The following BICC1 variants were observed in gnomAD, a reference collection of about 807,000 sequenced individuals.
BICC1 encodes BicC family RNA binding protein 1.
A neutral mutation model predicts 111.0 loss-of-function variants in BICC1; 43 were observed. The ratio of observed to expected loss-of-function variants is 0.39; its 90% CI spans 0.30 to 0.50. BICC1 has a LOEUF of 0.50. Among genes scored for constraint, BICC1 ranks in the 20% least tolerant of loss-of-function variants. The pLI is 0.88. For synonymous variants in BICC1, 467 were observed against 434.4 expected, an observed-to-expected ratio of 1.07 and a Z score of -0.93; for missense variants, 1,091 against 1,203.2, an observed-to-expected ratio of 0.91 and a Z score of 1.38.
chr10:58,658,024 G>GTT (rs139682846), intron 2 of BICC1, among the ~76,000 whole-genome samples: 9 of 4,936 alleles, frequency 1.8e-3, no homozygotes, highest in Admixed American at 4.1e-3. Context: ...TTCCACTAGT[G>GTT]GTAACTGTGA....
chr10:58,796,396 A>T lies in BICC1; in HGVS notation c.1236A>T (p.Lys412Asn), dbSNP rs771651949. The T allele has an allele frequency of 1.2e-6, 2 of 1,614,074 alleles. No homozygotes were observed. Among genetic ancestry groups the T allele is most frequent in the South Asian group, 2.2e-5 (2 of 91,080 alleles). The change falls in exon 10 of 21, where the codon AAA becomes AAT. Residue 412 changes from lysine (K) to asparagine (N), a missense_variant. Around this residue, in one of 3 missense-constraint regions of BICC1, gnomAD observed 843 missense variants for 900.8 expected, o/e 0.94. Coordinates refer to ENST00000373886, the MANE Select transcript of BICC1 (RefSeq NM_001080512.3). The stretch of plus-strand genomic sequence containing the variant: ...CCTTAAATATGTATGAAGCAAGGAA[A>T]TGTCTCCTCGGACTTGAAAGCAGTG... ...RNALNMYEAR[K>N]CLLGLESSGV...
At chr10:58,678,138 C>T (rs1314622578) in intron 2 of BICC1, among the ~76,000 whole-genome samples, 2 of 151,868 alleles carry the variant, frequency 1.3e-5, no homozygotes, top group South Asian at 2.1e-4. Context: ...CATCAACTAA[C>T]AGGCAAAATA....
At chr10:58,663,426 C>T (rs1838909437) in intron 2 of BICC1, among the ~76,000 whole-genome samples, 1 of 152,138 alleles carries the variant, frequency 6.6e-6, no homozygotes, top group South Asian at 2.1e-4. Flanking sequence ...CACTGGACAA[C>T]CTCTGGTGTG....
At chr10:58,523,597 A>G (rs1274003671) in intron 1 of BICC1, among the ~76,000 whole-genome samples, 2 of 152,242 alleles carry the variant, frequency 1.3e-5, no homozygotes, top group South Asian at 2.1e-4. Flanking sequence ...AGCCAGTATC[A>G]TATTGAATGG....
At chr10:58,637,899 C>T (rs1294585998) in intron 2 of BICC1, among the ~76,000 whole-genome samples, 2 of 151,886 alleles carry the variant, frequency 1.3e-5, no homozygotes, top group Non-Finnish European at 2.9e-5. Flanking sequence ...AGGGGAATCA[C>T]TTAAACAGGA....
At chr10:58,514,569 T>C (rs1360369494) in intron 1 of BICC1, among the ~76,000 whole-genome samples, 1 of 152,220 alleles carries the variant, frequency 6.6e-6, no homozygotes, top group Non-Finnish European at 1.5e-5. Context: ...AGCAAGAGTG[T>C]TTGGCAGACG....
chr10:58,726,111 A>C (rs950218541), intron 3 of BICC1, among the ~76,000 whole-genome samples: 5 of 152,234 alleles, frequency 3.3e-5, no homozygotes, highest in African/African-American at 1.2e-4. Flanking sequence ...CTGCAAATTC[A>C]ATCATCTGAC....
intron 15 of BICC1, among the ~76,000 whole-genome samples, chr10:58,804,558 A>AT (rs1486624002): frequency 6.6e-6 from 1 of 152,168 alleles, no homozygotes; most frequent in Non-Finnish European, 1.5e-5. Flanking sequence ...CATTTATTAC[A>AT]TTTTCTCTGG....
Position 58,521,768 on chromosome 10 carries a change from GTTTTTTTTTT to G in BICC1, c.190+8464_190+8473del, listed in dbSNP as rs573116230. ...ATGAAAATCAGCCAGGGAATGTGGT[GTTTTTTTTTT>G]TTTTTTTTTTTTTTTTTTTTTTTTT... On this transcript the variant is annotated intron_variant, in intron 1 of 20. Coordinates refer to ENST00000373886, the MANE Select transcript of BICC1 (RefSeq NM_001080512.3). Among the ~76,000 whole-genome samples, 93 of 112,800 alleles carry G rather than the reference GTTTTTTTTTT, an allele frequency of 8.2e-4. 3 individuals carry two copies. Among genetic ancestry groups the G allele is most frequent in the African/African-American group, 2.5e-3 (85 of 33,416 alleles). The allele number at this position is 112,800 out of a possible 152,430, so 74.0% of individuals were successfully genotyped here. A position where few individuals can be genotyped will look rare whatever the true frequency, so the allele number is the denominator to read the frequency against.
Position 58,788,515 on chromosome 10 carries a change from C to G in BICC1, c.600+92C>G, listed in dbSNP as rs911147857. ...ATATAATAATTTATCATTTTATAAC[C>G]GAATCATGTTCAATCAGTAGGAAAT... On this transcript the variant is annotated intron_variant, in intron 6 of 20. Coordinates refer to ENST00000373886, the MANE Select transcript of BICC1 (RefSeq NM_001080512.3). 8 of 919,794 alleles carry G rather than the reference C, an allele frequency of 8.7e-6. No homozygotes were observed. The African/African-American group carries it at 1.3e-4, about 15-fold the overall frequency. 57.0% of individuals were successfully genotyped at this position (919,794 alleles called of 1,614,324 possible). A position where few individuals can be genotyped will look rare whatever the true frequency, so the allele number is the denominator to read the frequency against.
At chr10:58,720,163 TAA>T (rs1394703834) in intron 3 of BICC1, among the ~76,000 whole-genome samples, 1 of 152,228 alleles carries the variant, frequency 6.6e-6, no homozygotes, top group Non-Finnish European at 1.5e-5. Flanking sequence ...TTTAGTTTCT[TAA>T]ACCTTTCTTG....
chr10:58,649,804 T>C (rs1838386684), intron 2 of BICC1, among the ~76,000 whole-genome samples: 1 of 152,012 alleles, frequency 6.6e-6, no homozygotes, highest in Non-Finnish European at 1.5e-5. Flanking sequence ...CTACTGTTGT[T>C]CTTTTGCATG....
chr10:58,670,597 CTG>C (rs929367140), intron 2 of BICC1, among the ~76,000 whole-genome samples: 4 of 152,112 alleles, frequency 2.6e-5, no homozygotes, highest in African/African-American at 7.2e-5. Flanking sequence ...ACACTGAAGA[CTG>C]TGACTTGAAC....
chr10:58,760,431 T>A (rs993655780), intron 3 of BICC1, among the ~76,000 whole-genome samples: 4 of 152,310 alleles, frequency 2.6e-5, no homozygotes, highest in Non-Finnish European at 4.4e-5. Context: ...AATATATACA[T>A]CACAACCAAA....
Position 58,634,239 on chromosome 10 carries a change from G to T in BICC1, c.237+13338G>T, listed in dbSNP as rs553524830. Reference sequence around the variant, plus strand: ...AACTCCTGACCTCAGGTGATCCACCGCCTCGGCCTGCCAAAGTGCTGGGAT... The same window carrying T: ...AACTCCTGACCTCAGGTGATCCACCTCCTCGGCCTGCCAAAGTGCTGGGAT... On this transcript the variant is annotated intron_variant, in intron 2 of 20. Coordinates refer to ENST00000373886, the MANE Select transcript of BICC1 (RefSeq NM_001080512.3). Among the ~76,000 whole-genome samples, 231 of 152,076 alleles carry T rather than the reference G, an allele frequency of 1.5e-3. 1 individual carries two copies. The highest frequency in any genetic ancestry group is 5.2e-3 in the African/African-American group (217 of 41,498).
rs74808719 is a variant in BICC1, at chr10:58,645,638, A to G, written c.237+24737A>G. Reference sequence around the variant, plus strand: ...TCGCAGTGTAGTAAACCCTATTACTATTTGAACTCGAAATACAGAATACTT... The same window carrying G: ...TCGCAGTGTAGTAAACCCTATTACTGTTTGAACTCGAAATACAGAATACTT... On this transcript the variant is annotated intron_variant, in intron 2 of 20. Coordinates refer to ENST00000373886, the MANE Select transcript of BICC1 (RefSeq NM_001080512.3). Among the ~76,000 whole-genome samples, 434 of 152,252 alleles carry G rather than the reference A, an allele frequency of 2.9e-3. 8 individuals carry two copies. The highest frequency in any genetic ancestry group is 9.8e-3 in the African/African-American group (406 of 41,536).
Position 58,800,914 on chromosome 10 carries a change from T to G in BICC1, c.1883T>G (p.Val628Gly). 1 of 1,605,578 alleles carries G rather than the reference T, an allele frequency of 6.2e-7. No homozygotes were observed. Among genetic ancestry groups the G allele is most frequent in the Non-Finnish European group, 8.5e-7 (1 of 1,176,494 alleles). ...TEGCNDAFVE[V>G]GMPRSPSHSG... ...GGTTGTAATGATGCTTTTGTTGAAG[T>G]AGGCATGCCTCGAAGTCCTTCCCAT... The change falls in exon 14 of 21, where the codon GTA becomes GGA. Residue 628 changes from valine to glycine, a missense_variant. By Grantham distance (109) the Val-to-Gly change is moderately radical. Around this residue, in one of 3 missense-constraint regions of BICC1, gnomAD observed 843 missense variants for 900.8 expected, o/e 0.94. Coordinates refer to ENST00000373886, the MANE Select transcript of BICC1 (RefSeq NM_001080512.3).
At chr10:58,600,414 G>T (rs1020803889) in intron 1 of BICC1, among the ~76,000 whole-genome samples, 3 of 152,076 alleles carry the variant, frequency 2.0e-5, no homozygotes, top group African/African-American at 4.8e-5. Flanking sequence ...AGAGCTATGG[G>T]GAGAAGCTGT....
At chr10:58,792,115 G>C (rs1384215393) in intron 8 of BICC1, among the ~76,000 whole-genome samples, 1 of 152,110 alleles carries the variant, frequency 6.6e-6, no homozygotes, top group African/African-American at 2.4e-5. Context: ...TAATCCTAGT[G>C]TGCTTAATGG....
Sources: gnomAD v4.1 joint callset for allele counts (sites outside exome capture counted in the v4.1 genomes callset) on GRCh38, gnomAD v4.1.1 for gene constraint, gnomAD v4.1.1 regional missense constraint, MANE v1.5 for transcripts, NCBI Gene and HGNC (gene_info 2026-07-23, HGNC 2026-07-21) for gene names.